Variants in DAGLA observed in about 807,000 individuals in gnomAD.
DAGLA encodes diacylglycerol lipase alpha, also known as diacylglycerol lipase-alpha.
Under a neutral mutation model 102.6 loss-of-function variants are expected in DAGLA, and 22 were observed. The ratio of observed to expected loss-of-function variants is 0.21; its 90% confidence interval spans 0.15 to 0.31. The LOEUF is 0.31. Ranked by LOEUF, DAGLA falls within the 10% of genes least tolerant of loss-of-function variation. DAGLA has a pLI of 1.00. For synonymous variants in DAGLA, 578 were observed against 628.9 expected (o/e 0.92, Z 1.21); for missense variants, 927 against 1,446.6 (o/e 0.64, Z 5.83).
intron 1 of DAGLA, among the ~76,000 whole-genome samples, chr11:61,712,897 A>G (rs1182616310): frequency 1.3e-5 from 2 of 152,216 alleles, no homozygotes; most frequent in South Asian, 2.1e-4. Flanking sequence ...AAGTAGTTCA[A>G]GGAAGCTACT....
At position 61,734,599 on chromosome 11, in the gene DAGLA, G is replaced by A. The variant is rs570091891; in HGVS notation, c.975-250G>A. On this transcript the variant is annotated intron_variant, in intron 9 of 19. Coordinates refer to ENST00000257215, the MANE Select transcript of DAGLA (RefSeq NM_006133.3). This position sits in a 1 kb window ranked among gnomAD's most constrained non-coding sequence, Gnocchi z 4.2. ...CCCGGAGGGGAGATCCCAGAGAGGA[G>A]GGGGCCCCAGCCAGGTGGGGAGAGG... Among the ~76,000 whole-genome samples the A allele has an allele frequency of 4.1e-4, 63 of 152,260 alleles. No individual in the cohort carries two copies. The highest frequency in any genetic ancestry group is 1.3e-3 in the African/African-American group (53 of 41,554).
chr11:61,710,931 G>A (rs1293220546), intron 1 of DAGLA, among the ~76,000 whole-genome samples: 2 of 152,174 alleles, frequency 1.3e-5, no homozygotes, highest in East Asian at 1.9e-4. Context: ...GGAGACTGAC[G>A]CTCAGTGAAG....
At chr11:61,736,659 G>A (rs2065425299) in intron 13 of DAGLA, among the ~76,000 whole-genome samples, 2 of 152,336 alleles carry the variant, frequency 1.3e-5, no homozygotes, top group African/African-American at 4.8e-5. Flanking sequence ...AGGAAACATG[G>A]AGAGGCTCAA....
chr11:61,717,061 C>T (rs1044831105), intron 1 of DAGLA, among the ~76,000 whole-genome samples: 7 of 152,118 alleles, frequency 4.6e-5, no homozygotes, highest in Admixed American at 3.3e-4. Context: ...GGGCAGGCAG[C>T]GCCTACCCCC....
chr11:61,688,496 G>C (rs1271896357), intron 1 of DAGLA, among the ~76,000 whole-genome samples: 1 of 152,190 alleles, frequency 6.6e-6, no homozygotes, highest in East Asian at 1.9e-4. Context: ...GAACTTGCTT[G>C]AGGAACCTGT....
At chr11:61,741,833 A>G (rs768406592) in intron 19 of DAGLA, among the ~76,000 whole-genome samples, 3 of 151,914 alleles carry the variant, frequency 2.0e-5, no homozygotes, top group Non-Finnish European at 2.9e-5. Context: ...GCTGGTCTTG[A>G]ACTCCTGACC....
intron 1 of DAGLA, 65 bp from the exon 2 acceptor site, chr11:61,720,047 G>C: frequency 7.1e-6 from 8 of 1,130,826 alleles, no homozygotes; most frequent in Non-Finnish European, 1.0e-5. Flanking sequence ...GTGGCCCAAG[G>C]AATGCAGTGG....
chr11:61,691,913 G>T (rs2065027490), intron 1 of DAGLA, among the ~76,000 whole-genome samples: 1 of 152,214 alleles, frequency 6.6e-6, no homozygotes, highest in Admixed American at 6.5e-5. Flanking sequence ...GAGGTGACAT[G>T]AGATGATGCT....
At chr11:61,698,443 C>G (rs2065083587) in intron 1 of DAGLA, among the ~76,000 whole-genome samples, 1 of 152,254 alleles carries the variant, frequency 6.6e-6, no homozygotes, top group Admixed American at 6.5e-5. Context: ...TTGCTCACCC[C>G]CCTGCTAACT....
chr11:61,682,686 G>T (rs191886721), intron 1 of DAGLA, among the ~76,000 whole-genome samples: 59 of 152,336 alleles, frequency 3.9e-4, no homozygotes, highest in African/African-American at 1.3e-3. Context: ...TTTCTCTGGA[G>T]AATTTCCTTT....
At chr11:61,682,039 G>GTATTGGAGAC (rs55641977) in intron 1 of DAGLA, among the ~76,000 whole-genome samples, 61,594 of 150,984 alleles carry the variant, frequency 0.41, 14,174 homozygotes, top group Non-Finnish European at 0.51. Flanking sequence ...GATGTTGAGG[G>GTATTGGAGAC]TAGGGTGGCA....
intron 18 of DAGLA, 112 bp from the exon 19 acceptor site, chr11:61,741,050 A>T (rs198440): frequency 2.9e-6 from 3 of 1,030,386 alleles, no homozygotes; most frequent in African/African-American, 1.6e-5. Context: ...GACCCAAGTG[A>T]CTCCATGAGG....
rs777217374 is a variant in DAGLA, at chr11:61,744,225, G to C, written c.2865G>C (p.Gln955His). The C allele has an allele frequency of 6.2e-7, 1 of 1,613,048 alleles. No homozygotes were observed. The highest frequency in any genetic ancestry group is 1.3e-5 in the African/African-American group (1 of 75,040). ...DYAEGPKSPS[Q>H]QEILLRAQFE... ...CTGAGGGCCCCAAGTCCCCCAGCCA[G>C]CAAGAGATCCTGCTCCGTGCCCAGT... is the stretch of plus-strand genomic sequence containing the variant. The change falls in exon 20 of 20, where the codon CAG (glutamine) becomes CAC (histidine). Residue 955 changes from glutamine to histidine, a missense_variant. Coordinates refer to ENST00000257215, the MANE Select transcript of DAGLA (RefSeq NM_006133.3).
At position 61,734,889 on chromosome 11, in the gene DAGLA, G is replaced by T. The variant is rs768042396; in HGVS notation, c.1015G>T (p.Val339Phe). ...CPARPRFAPG[V>F]TIEEDNCCGC... ...TGCGAGGCCGCGGTTCGCCCCTGGA[G>T]TCACCATCGAGGAAGACAACTGCTG... Residue 339 changes from valine to phenylalanine, a missense_variant, in exon 10 of 20, where the codon GTC becomes TTC. By Grantham distance (50) the Val-to-Phe change is conservative. This residue lies in a region of DAGLA where 44 missense variants were observed against 44.0 expected (regional missense o/e 1.00). Transcript: ENST00000257215. This position sits in a 1 kb window ranked among gnomAD's most constrained non-coding sequence, Gnocchi z 4.2. 3.1e-6 allele frequency: 5 copies of T among 1,613,998 alleles called. No individual in the cohort carries two copies. Among genetic ancestry groups the T allele is most frequent in the Non-Finnish European group, 3.4e-6 (4 of 1,179,968 alleles).
chr11:61,692,466 G>A (rs989964661), intron 1 of DAGLA, among the ~76,000 whole-genome samples: 3 of 152,244 alleles, frequency 2.0e-5, no homozygotes, highest in Non-Finnish European at 2.9e-5. Flanking sequence ...CCTGCCTTGG[G>A]CTTACTGATT....
intron 1 of DAGLA, among the ~76,000 whole-genome samples, chr11:61,688,391 A>C (rs2065001572): frequency 6.6e-6 from 1 of 151,982 alleles, no homozygotes; most frequent in Non-Finnish European, 1.5e-5. Flanking sequence ...GGGAATACTT[A>C]AGGCTGGGCA....
Position 61,744,831 on chromosome 11 carries a change from C to T in DAGLA, c.*342C>T. On this transcript the variant is annotated 3_prime_UTR_variant, in exon 20 of 20. Coordinates refer to ENST00000257215, the MANE Select transcript of DAGLA (RefSeq NM_006133.3). ...TCCAGGACAGGCCATGGGCAAGCTG[C>T]CTCCCATCACTGCCTGCTGGCTGCT... The T allele has an allele frequency of 4.1e-6, 1 of 243,852 alleles. No individual in the cohort carries two copies. The highest frequency in any genetic ancestry group is 8.0e-6 in the Non-Finnish European group (1 of 125,482). The allele number at this position is 243,852 out of a possible 1,614,324, so 15.1% of individuals were successfully genotyped here.
chr11:61,688,635 AG>A (rs1250793214), intron 1 of DAGLA, among the ~76,000 whole-genome samples: 1 of 152,136 alleles, frequency 6.6e-6, no homozygotes, highest in Non-Finnish European at 1.5e-5. Context: ...ATTTTGTGGA[AG>A]TGCAGGGGGC....
chr11:61,739,748 G>C, intron 17 of DAGLA, 87 bp downstream of exon 17: 2 of 1,363,156 alleles, frequency 1.5e-6, no homozygotes, highest in Non-Finnish European at 2.0e-6. Context: ...CTCAATCACC[G>C]CTCGGGGCTG....
Sources: gnomAD v4.1 joint callset for allele counts (sites outside exome capture counted in the v4.1 genomes callset) on GRCh38, gnomAD v4.1.1 for gene constraint, gnomAD v4.1.1 regional missense constraint, Gnocchi (gnomAD v3.1) non-coding constraint, MANE v1.5 for transcripts, NCBI Gene and HGNC (gene_info 2026-07-23, HGNC 2026-07-21) for gene names.